MTHFD1L: variants seen among roughly 807,000 people sequenced by gnomAD.
The protein encoded by MTHFD1L is methylenetetrahydrofolate dehydrogenase (NADP+ dependent) 1 like, also known as monofunctional C1-tetrahydrofolate synthase, mitochondrial.
Under a neutral mutation model 119.5 loss-of-function variants are expected in MTHFD1L, and 81 were observed. The ratio of observed to expected loss-of-function variants is 0.68; its 90% CI spans 0.57 to 0.82. The LOEUF is 0.82. MTHFD1L is among the 40% of genes least tolerant of loss of function. The probability of loss-of-function intolerance (pLI) is 0.00; values close to 1 mark genes in which losing one functional copy is unlikely to be tolerated. For synonymous variants in MTHFD1L, 430 were observed against 475.2 expected, an observed-to-expected ratio of 0.90 and a Z score of 1.24; for missense variants, 1,125 against 1,253.4, an observed-to-expected ratio of 0.90 and a Z score of 1.55.
chr6:151,024,580 AC>A (rs1467825170), intron 24 of MTHFD1L, among the ~76,000 whole-genome samples: 1 of 151,776 alleles, frequency 6.6e-6, no homozygotes, highest in Non-Finnish European at 1.5e-5. Context: ...TATAATCTCA[AC>A]CCTTTGGGAG....
intron 7 of MTHFD1L, among the ~76,000 whole-genome samples, chr6:150,890,829 T>C (rs554826800): frequency 6.6e-6 from 1 of 152,288 alleles, no homozygotes; most frequent in Non-Finnish European, 1.5e-5. Context: ...CAACAAGTAT[T>C]TAAACAGTGA....
intron 16 of MTHFD1L, among the ~76,000 whole-genome samples, chr6:150,951,120 T>C (rs1265550303): frequency 1.3e-5 from 2 of 148,360 alleles, no homozygotes; most frequent in African/African-American, 4.9e-5. Context: ...CACTGCAAGC[T>C]CTGCCTCCCA....
intron 8 of MTHFD1L, among the ~76,000 whole-genome samples, chr6:150,909,000 A>G (rs770525732): frequency 2.0e-5 from 3 of 152,134 alleles, no homozygotes; most frequent in Non-Finnish European, 4.4e-5. Context: ...TCTTACCTTC[A>G]TGGTACAGAG....
intron 7 of MTHFD1L, among the ~76,000 whole-genome samples, chr6:150,902,455 G>A (rs1359230813): frequency 6.6e-6 from 1 of 152,098 alleles, no homozygotes; most frequent in East Asian, 1.9e-4. Flanking sequence ...CTTTGGCCAG[G>A]GTCTCTCCCA....
intron 19 of MTHFD1L, among the ~76,000 whole-genome samples, chr6:150,967,423 C>A (rs1797379192): frequency 2.3e-5 from 1 of 44,128 alleles, no homozygotes; most frequent in African/African-American, 5.6e-5. Flanking sequence ...TTGCCCCGTT[C>A]TCCTCCAGAA....
chr6:150,945,817 T>G (rs1391277504), intron 15 of MTHFD1L, among the ~76,000 whole-genome samples: 5 of 152,168 alleles, frequency 3.3e-5, no homozygotes, highest in African/African-American at 1.2e-4. Flanking sequence ...TTTGCTAATT[T>G]ATGAGTACTC....
At chr6:151,023,077 C>T (rs1187225378) in intron 24 of MTHFD1L, among the ~76,000 whole-genome samples, 4 of 146,016 alleles carry the variant, frequency 2.7e-5, no homozygotes, top group East Asian at 2.0e-4. Context: ...GGCAGAGTCT[C>T]GCTCTGTCAC....
Position 151,092,546 on chromosome 6 carries a change from G to T in MTHFD1L, c.2927G>T (p.Gly976Val). 2 of 1,613,740 alleles carry T rather than the reference G, an allele frequency of 1.2e-6. No homozygotes were observed. The highest frequency in any genetic ancestry group is 1.3e-5 in the African/African-American group (1 of 74,998). ...DLDTETEQVKGLF is the reference protein window; with the variant it reads ...DLDTETEQVKVLF Reference sequence around the variant, plus strand: ...GATACCGAAACAGAACAAGTTAAAGGCTTGTTCTAAGTGGACAAGGCTCTC... The same window carrying T: ...GATACCGAAACAGAACAAGTTAAAGTCTTGTTCTAAGTGGACAAGGCTCTC... Residue 976 changes from glycine (G) to valine (V), a missense_variant, in exon 27 of 28, where the codon GGC (glycine) becomes GTC (valine). Physicochemically the swap from Gly to Val is moderately radical, Grantham distance 109 (BLOSUM62 -3). Around this residue, in one of 3 missense-constraint regions of MTHFD1L, gnomAD observed 61 missense variants for 78.9 expected, o/e 0.77. Transcript: ENST00000367321.
chr6:151,046,518 C>G (rs1788107392), intron 26 of MTHFD1L, among the ~76,000 whole-genome samples: 1 of 107,770 alleles, frequency 9.3e-6, no homozygotes, highest in Non-Finnish European at 1.8e-5. Flanking sequence ...TATATATAGA[C>G]TCATTTTTCT....
At chr6:150,961,156 C>T (rs369659346) in intron 18 of MTHFD1L, among the ~76,000 whole-genome samples, 34 of 146,250 alleles carry the variant, frequency 2.3e-4, no homozygotes, top group African/African-American at 7.8e-4. Flanking sequence ...TGCAATGGCA[C>T]GATCTCAGCT....
intron 12 of MTHFD1L, among the ~76,000 whole-genome samples, chr6:150,937,723 C>T (rs533310863): frequency 8.5e-5 from 13 of 152,206 alleles, no homozygotes; most frequent in African/African-American, 2.6e-4. Context: ...CCACTTGAGC[C>T]AGTCACAACC....
chr6:151,036,655 C>G (rs1786218108), intron 25 of MTHFD1L, among the ~76,000 whole-genome samples: 1 of 152,178 alleles, frequency 6.6e-6, no homozygotes, highest in Admixed American at 6.5e-5. Flanking sequence ...AAAGTGGTTT[C>G]TACAGCTGCT....
intron 26 of MTHFD1L, among the ~76,000 whole-genome samples, chr6:151,082,129 C>G (rs1165644988): frequency 6.6e-6 from 1 of 152,156 alleles, no homozygotes; most frequent in Non-Finnish European, 1.5e-5. Context: ...GTTTTCCACA[C>G]GTAGTGGAGA....
At chr6:150,944,841 C>T (rs1211460310) in intron 14 of MTHFD1L, among the ~76,000 whole-genome samples, 3 of 152,228 alleles carry the variant, frequency 2.0e-5, no homozygotes, top group Non-Finnish European at 4.4e-5. Flanking sequence ...GCCAAATATT[C>T]TCTAAGATGA....
chr6:150,925,168 G>A (rs1789722335), intron 10 of MTHFD1L, among the ~76,000 whole-genome samples: 1 of 152,172 alleles, frequency 6.6e-6, no homozygotes, highest in African/African-American at 2.4e-5. Flanking sequence ...ACCGCAAGGA[G>A]GCAGACCACA....
intron 20 of MTHFD1L, among the ~76,000 whole-genome samples, chr6:150,996,810 G>GT (rs1000305101): frequency 4.0e-5 from 4 of 98,858 alleles, no homozygotes; most frequent in Admixed American, 9.7e-5. Context: ...AAGTAGGCGT[G>GT]TAGAAGCAGG....
chr6:151,059,669 T>C (rs570005858), intron 26 of MTHFD1L, among the ~76,000 whole-genome samples: 9 of 152,174 alleles, frequency 5.9e-5, no homozygotes, highest in Non-Finnish European at 1.3e-4. Context: ...GTATTCTTGC[T>C]AATCAAGCTG....
intron 7 of MTHFD1L, among the ~76,000 whole-genome samples, chr6:150,893,173 T>C (rs1187910837): frequency 1.3e-5 from 2 of 152,176 alleles, no homozygotes; most frequent in Non-Finnish European, 1.5e-5. Flanking sequence ...CAAGAGATTC[T>C]CATGCCTCAG....
At chr6:151,019,845 AT>A (rs1293266634) in intron 24 of MTHFD1L, among the ~76,000 whole-genome samples, 3 of 152,212 alleles carry the variant, frequency 2.0e-5, no homozygotes, top group Non-Finnish European at 4.4e-5. Context: ...GCAGTCAGTA[AT>A]AGAGCTCAAG....
Sources: gnomAD v4.1 joint callset for allele counts (sites outside exome capture counted in the v4.1 genomes callset) on GRCh38, gnomAD v4.1.1 for gene constraint, gnomAD v4.1.1 regional missense constraint, MANE v1.5 for transcripts, NCBI Gene and HGNC (gene_info 2026-07-23, HGNC 2026-07-21) for gene names.